PPP4R2: variants seen among roughly 807,000 people sequenced by gnomAD.
The protein encoded by PPP4R2 is serine/threonine-protein phosphatase 4 regulatory subunit 2.
Under a neutral mutation model 47.2 loss-of-function variants are expected in PPP4R2, and 13 were observed. That is an observed-to-expected ratio of 0.28 (90% CI 0.18 to 0.44). The LOEUF (loss-of-function observed/expected upper bound fraction) is 0.44, where lower values mean the gene tolerates loss of function less well. PPP4R2 is among the 20% of genes least tolerant of loss of function. PPP4R2 has a pLI of 1.00. For synonymous variants in PPP4R2, 151 were observed against 163.3 expected (o/e 0.92, Z 0.57); for missense variants, 421 against 491.2 (o/e 0.86, Z 1.35).
chr3:73,050,806 G>A (rs1399958745), intron 3 of PPP4R2, among the ~76,000 whole-genome samples: 2 of 152,138 alleles, frequency 1.3e-5, no homozygotes, highest in African/African-American at 4.8e-5. Context: ...ATTGATGGTA[G>A]GCATTTATTT....
intron 2 of PPP4R2, among the ~76,000 whole-genome samples, chr3:73,044,628 C>T (rs1461485851): frequency 6.6e-6 from 1 of 151,492 alleles, no homozygotes; most frequent in East Asian, 1.9e-4. Context: ...CCAGCCAATA[C>T]TTGTTCACTT....
At chr3:72,998,020 T>C in intron 1 of PPP4R2, 57 bp from the exon 2 acceptor site, 1 of 1,236,882 alleles carries the variant, frequency 8.1e-7, no homozygotes, top group Non-Finnish European at 1.2e-6. Flanking sequence ...GAGGAAAGTT[T>C]GTTTTTAGAG....
At position 73,039,807 on chromosome 3, in the gene PPP4R2, CT is replaced by C. The variant is rs1025258000; in HGVS notation, c.117-7376del. Reference sequence around the variant, plus strand: ...GTGGCTCACGTCTGTAATCCCAGCACTTTGGGAGGCCAAGGCGGCGAATCAC... The same window carrying C: ...GTGGCTCACGTCTGTAATCCCAGCACTTGGGAGGCCAAGGCGGCGAATCAC... On this transcript the variant is annotated intron_variant, in intron 2 of 8. Transcript: ENST00000356692. 2.1e-3 allele frequency among the ~76,000 whole-genome samples: 323 copies of C among 152,282 alleles called. 6 individuals carry two copies. The highest frequency in any genetic ancestry group is 3.5e-4 in the Non-Finnish European group (24 of 68,016).
intron 2 of PPP4R2, among the ~76,000 whole-genome samples, chr3:73,024,072 AGATAT>A (rs1189101900): frequency 9.9e-5 from 15 of 152,098 alleles, no homozygotes; most frequent in Non-Finnish European, 1.8e-4. Context: ...TAGATTTTAT[AGATAT>A]GATTGGCTGA....
intron 2 of PPP4R2, among the ~76,000 whole-genome samples, chr3:73,028,876 A>G (rs974037496): frequency 1.2e-3 from 190 of 152,254 alleles, no homozygotes; most frequent in African/African-American, 4.5e-3. Context: ...GGAATGGGGG[A>G]AATATAATGT....
intron 2 of PPP4R2, among the ~76,000 whole-genome samples, chr3:73,002,300 T>C (rs1360062151): frequency 6.6e-6 from 1 of 152,182 alleles, no homozygotes; most frequent in Non-Finnish European, 1.5e-5. Flanking sequence ...GCCCAGGCTT[T>C]AGTGCAGCAA....
chr3:73,014,880 A>T, intron 2 of PPP4R2: 1 of 520,246 alleles, frequency 1.9e-6, no homozygotes, highest in Non-Finnish European at 3.5e-6. Flanking sequence ...TTATTTATTC[A>T]TTTTAATGAG....
At chr3:72,997,174 G>C in intron 1 of PPP4R2, 103 bp downstream of exon 1, 1 of 958,338 alleles carries the variant, frequency 1.0e-6, no homozygotes. Context: ...GGCGCGGCGT[G>C]GGGAGAGTGC....
At chr3:72,999,701 AT>A (rs946609988) in intron 2 of PPP4R2, among the ~76,000 whole-genome samples, 1 of 151,970 alleles carries the variant, frequency 6.6e-6, no homozygotes, top group African/African-American at 2.4e-5. Flanking sequence ...AAGTTATCTG[AT>A]TTTTTTTGGA....
intron 2 of PPP4R2, among the ~76,000 whole-genome samples, chr3:73,026,135 A>C (rs532155754): frequency 1.3e-5 from 2 of 152,192 alleles, no homozygotes; most frequent in Non-Finnish European, 1.5e-5. Flanking sequence ...CCCTTGCTCA[A>C]GTTAAAGTTC....
chr3:73,052,270 G>A (rs936365570), intron 3 of PPP4R2, among the ~76,000 whole-genome samples: 1 of 67,000 alleles, frequency 1.5e-5, no homozygotes, highest in African/African-American at 6.7e-5. Flanking sequence ...TCATTTTCTT[G>A]TCTTTTAAAA....
intron 2 of PPP4R2, among the ~76,000 whole-genome samples, chr3:73,037,786 G>C (rs1702295399): frequency 6.6e-6 from 1 of 152,092 alleles, no homozygotes; most frequent in Non-Finnish European, 1.5e-5. Flanking sequence ...AACCTACACT[G>C]TGATCTTTAG....
At chr3:73,042,459 GGTTC>G (rs1702400198) in intron 2 of PPP4R2, among the ~76,000 whole-genome samples, 1 of 150,336 alleles carries the variant, frequency 6.7e-6, no homozygotes, top group Non-Finnish European at 1.5e-5. Flanking sequence ...CCGCCTCCTG[GGTTC>G]AAACAATTCT....
At chr3:73,057,850 A>T (rs1446682965) in intron 3 of PPP4R2, among the ~76,000 whole-genome samples, 1 of 152,130 alleles carries the variant, frequency 6.6e-6, no homozygotes, top group East Asian at 1.9e-4. Flanking sequence ...TAACTACTAT[A>T]CCTTGTGGTG....
chr3:73,015,021 A>C, intron 2 of PPP4R2: 1 of 663,374 alleles, frequency 1.5e-6, no homozygotes, highest in Non-Finnish European at 2.7e-6. Flanking sequence ...TTTTTCCTCG[A>C]AATATACTCC....
intron 5 of PPP4R2, chr3:73,063,318 TAAAAAA>T (rs534798966): frequency 6.5e-5 from 6 of 92,168 alleles, no homozygotes; most frequent in Admixed American, 3.4e-4. Context: ...TCTCATTATT[TAAAAAA>T]AAAAAAAAAA....
In PPP4R2 at chr3:73,015,165, A is replaced by G. The variant is rs147169456; in HGVS notation, c.116+17007A>G. Among the ~76,000 whole-genome samples, 131 of 152,228 alleles carry G rather than the reference A, an allele frequency of 8.6e-4. 3 individuals are homozygous for G. In the East Asian group the frequency reaches 0.02, roughly 23 times the overall value. ...CAGAAGGAATGAAAACACTACCCAC[A>G]AGATCTAAGATTGCTCTCTGCTATC... On this transcript the variant is annotated intron_variant, in intron 2 of 8. Transcript: ENST00000356692.
chr3:73,019,429 A>G (rs565983860), intron 2 of PPP4R2, among the ~76,000 whole-genome samples: 30 of 152,184 alleles, frequency 2.0e-4, no homozygotes, highest in Non-Finnish European at 3.2e-4. Flanking sequence ...GCTGGAGTGC[A>G]GTGGTGTGAT....
At chr3:73,014,797 T>C (rs1488951378) in intron 2 of PPP4R2, 5 of 404,084 alleles carry the variant, frequency 1.2e-5, no homozygotes, top group African/African-American at 2.0e-5. Flanking sequence ...ATTTGTTTCA[T>C]TGGAGATTTG....
Sources: allele counts gnomAD v4.1 joint callset (sites outside exome capture counted in the v4.1 genomes callset), GRCh38; gene constraint gnomAD v4.1.1; transcripts MANE v1.5; gene names NCBI Gene and HGNC (gene_info 2026-07-23, HGNC 2026-07-21).